Variants in RSPO2 observed in about 807,000 individuals in gnomAD.
RSPO2 encodes R-spondin-2.
Under a neutral mutation model 30.9 loss-of-function variants are expected in RSPO2, and 14 were observed. The ratio of observed to expected loss-of-function variants is 0.45; its 90% CI spans 0.30 to 0.71. The LOEUF (loss-of-function observed/expected upper bound fraction) is 0.71, where lower values mean the gene tolerates loss of function less well. Among genes scored for constraint, RSPO2 ranks in the 30% least tolerant of loss-of-function variants. The pLI is 0.08. For missense variants in RSPO2, 264 were observed against 301.9 expected (o/e 0.87, Z 0.93); for synonymous variants, 107 against 96.4 (o/e 1.11, Z -0.64).
In RSPO2 at chr8:107,900,527, T is replaced by C. The variant is rs2130232688; in HGVS notation, c.*548A>G. The C allele has an allele frequency of 6.5e-6, 1 of 152,848 alleles. No homozygotes were observed. The highest frequency in any genetic ancestry group is 6.5e-5 in the Admixed American group (1 of 15,318). 9.5% of individuals were successfully genotyped at this position (152,848 alleles called of 1,614,324 possible). ...AGAGCTTTATATGTAGCTCCTGCAG[T>C]ATATGTACATATTAGGGCTGCAGTG... On this transcript the variant is annotated 3_prime_UTR_variant, in exon 6 of 6. Transcript: ENST00000276659.
chr8:107,968,175 A>C (rs776200943), intron 3 of RSPO2, among the ~76,000 whole-genome samples: 11 of 152,146 alleles, frequency 7.2e-5, no homozygotes, highest in Non-Finnish European at 1.6e-4. Context: ...TATAATAGCC[A>C]AGATATGGAA....
chr8:108,052,014 C>T (rs1432989081), intron 2 of RSPO2, among the ~76,000 whole-genome samples: 1 of 152,144 alleles, frequency 6.6e-6, no homozygotes, highest in Non-Finnish European at 1.5e-5. Context: ...AGTGAAAATG[C>T]TATGATAATA....
chr8:108,055,231 A>C (rs142502136), intron 2 of RSPO2, among the ~76,000 whole-genome samples: 1 of 152,362 alleles, frequency 6.6e-6, no homozygotes, highest in East Asian at 1.9e-4. Context: ...TTCTAGACAG[A>C]GTGAACAGCA....
intron 5 of RSPO2, among the ~76,000 whole-genome samples, chr8:107,910,148 G>A (rs894759402): frequency 6.6e-6 from 1 of 152,112 alleles, no homozygotes; most frequent in South Asian, 2.1e-4. Flanking sequence ...ATACTATAAC[G>A]GAAGGTACCT....
At chr8:107,970,423 T>C (rs1813955084) in intron 3 of RSPO2, among the ~76,000 whole-genome samples, 1 of 152,148 alleles carries the variant, frequency 6.6e-6, no homozygotes, top group Non-Finnish European at 1.5e-5. Context: ...GGCTAGAGAA[T>C]TACTGAAATC....
At chr8:107,967,313 C>T (rs939847144) in intron 3 of RSPO2, among the ~76,000 whole-genome samples, 1 of 152,116 alleles carries the variant, frequency 6.6e-6, no homozygotes, top group African/African-American at 2.4e-5. Flanking sequence ...ATTTCAAGTA[C>T]TATTTAACAT....
intron 3 of RSPO2, among the ~76,000 whole-genome samples, chr8:107,964,097 G>A (rs1173472012): frequency 6.6e-6 from 1 of 152,210 alleles, no homozygotes; most frequent in African/African-American, 2.4e-5. Context: ...CTGAAGCTAT[G>A]CTGACCATCT....
At chr8:108,032,871 A>G (rs1323238870) in intron 2 of RSPO2, among the ~76,000 whole-genome samples, 1 of 151,766 alleles carries the variant, frequency 6.6e-6, no homozygotes, top group Non-Finnish European at 1.5e-5. Context: ...CATCCTGGCT[A>G]ACATGGTGAA....
intron 3 of RSPO2, among the ~76,000 whole-genome samples, chr8:107,968,400 A>G (rs537594504): frequency 1.3e-5 from 2 of 152,254 alleles, no homozygotes; most frequent in African/African-American, 2.4e-5. Context: ...AAAAAAGTAG[A>G]TCTCATGGAG....
intron 2 of RSPO2, among the ~76,000 whole-genome samples, chr8:108,077,033 G>A (rs1433345385): frequency 6.6e-6 from 1 of 152,202 alleles, no homozygotes; most frequent in Non-Finnish European, 1.5e-5. Flanking sequence ...ACTTGGCAAT[G>A]AGGGGAGTAT....
intron 2 of RSPO2, among the ~76,000 whole-genome samples, chr8:107,992,766 A>T (rs1814888499): frequency 6.6e-6 from 1 of 152,196 alleles, no homozygotes; most frequent in Non-Finnish European, 1.5e-5. Flanking sequence ...CTGACAGCAG[A>T]CTTAGAAAAA....
At chr8:108,005,969 C>A (rs1815440689) in intron 2 of RSPO2, among the ~76,000 whole-genome samples, 1 of 152,114 alleles carries the variant, frequency 6.6e-6, no homozygotes, top group Non-Finnish European at 1.5e-5. Flanking sequence ...CGAAAGGAGT[C>A]ACTCAATACT....
At chr8:107,950,873 C>A (rs183903253) in intron 5 of RSPO2, among the ~76,000 whole-genome samples, 1 of 151,740 alleles carries the variant, frequency 6.6e-6, no homozygotes, top group Admixed American at 6.6e-5. Context: ...TTTCTTTTCA[C>A]TAAAATGTTT....
rs866291804 is a variant in RSPO2 at position 107,967,734 on chromosome 8, T to C, written c.284-6917A>G. ...GTTGGTATAGGATAAAATTCAACTA[T>C]GTCAAATGCAGAACAGGACACTTAG... On this transcript the variant is annotated intron_variant, in intron 3 of 5. Transcript: ENST00000276659. 4.6e-5 allele frequency among the ~76,000 whole-genome samples: 7 copies of C among 152,256 alleles called. No individual in the cohort carries two copies. In the Middle Eastern group the frequency reaches 0.014, roughly 296 times the overall value.
rs542617443 is a variant in RSPO2, at chr8:108,058,690, G to C, written c.94+23855C>G. Among the ~76,000 whole-genome samples the C allele has an allele frequency of 4.6e-5, 7 of 151,832 alleles. No homozygotes were observed. The East Asian group carries it at 1.4e-3, about 29-fold the overall frequency. On this transcript the variant is annotated intron_variant, in intron 2 of 5. Transcript: ENST00000276659. ...ACAGAACAGAGCCCTCAGAAATAAT[G>C]CCACATATTTACAACTATCTGATCT...
chr8:108,069,158 G>A (rs1300226420), intron 2 of RSPO2, among the ~76,000 whole-genome samples: 1 of 152,076 alleles, frequency 6.6e-6, no homozygotes, highest in East Asian at 1.9e-4. Context: ...AAAACCTTGT[G>A]TCCGACATCC....
intron 2 of RSPO2, among the ~76,000 whole-genome samples, chr8:108,081,609 T>C (rs1367035265): frequency 6.6e-6 from 1 of 152,124 alleles, no homozygotes; most frequent in Non-Finnish European, 1.5e-5. Flanking sequence ...CCGCCCTTCT[T>C]CTAAAATGCA....
rs551937240 is a variant in RSPO2 at position 107,946,495 on chromosome 8, C to T, written c.616+11585G>A. ...ACACCTAGGGAGAGGTGCCCACGAACGGACAAACCTGTGGGACTGGGGCAC... is the reference window on the plus strand; with the variant it reads ...ACACCTAGGGAGAGGTGCCCACGAATGGACAAACCTGTGGGACTGGGGCAC... On this transcript the variant is annotated intron_variant, in intron 5 of 5. Coordinates refer to ENST00000276659, the MANE Select transcript of RSPO2 (RefSeq NM_178565.5). Among the ~76,000 whole-genome samples the T allele has an allele frequency of 4.5e-4, 68 of 152,228 alleles. 1 individual carries two copies. The highest frequency in any genetic ancestry group is 8.5e-4 in the Admixed American group (13 of 15,290).
At chr8:107,964,285 C>T (rs1006047572) in intron 3 of RSPO2, among the ~76,000 whole-genome samples, 5 of 152,224 alleles carry the variant, frequency 3.3e-5, no homozygotes, top group African/African-American at 1.2e-4. Flanking sequence ...TCTTGTTGCC[C>T]AGGCAGGAGT....
Sources: gnomAD v4.1 joint callset for allele counts (sites outside exome capture counted in the v4.1 genomes callset) on GRCh38, gnomAD v4.1.1 for gene constraint, MANE v1.5 for transcripts, NCBI Gene and HGNC (gene_info 2026-07-23, HGNC 2026-07-21) for gene names.